The following CTNND2 variants were observed in gnomAD, a reference collection of about 807,000 sequenced individuals.
The protein encoded by CTNND2 is catenin delta 2, also known as catenin delta-2.
CTNND2 carries 22 observed loss-of-function variants against 144.4 expected under a neutral mutation model. The observed-to-expected ratio is 0.15, with a 90% CI of 0.11 to 0.22. The LOEUF (loss-of-function observed/expected upper bound fraction) is 0.22. Ranked by LOEUF, CTNND2 falls within the 10% of genes least tolerant of loss-of-function variation. CTNND2 has a pLI of 1.00. For missense variants in CTNND2, 1,353 were observed against 1,618.8 expected (o/e 0.84, Z 2.82); for synonymous variants, 751 against 695.6 (o/e 1.08, Z -1.25).
At chr5:11,543,509 T>C (rs1774943596) in intron 3 of CTNND2, among the ~76,000 whole-genome samples, 1 of 152,238 alleles carries the variant, frequency 6.6e-6, no homozygotes, top group African/African-American at 2.4e-5. Context: ...CACTCATTGA[T>C]AATACAATGA....
intron 2 of CTNND2, among the ~76,000 whole-genome samples, chr5:11,625,051 C>A (rs1045082491): frequency 6.6e-6 from 1 of 152,004 alleles, no homozygotes; most frequent in Non-Finnish European, 1.5e-5. Context: ...ACAATATGCA[C>A]TGTAAGTAGC....
chr5:11,712,892 G>T (rs928417482), intron 2 of CTNND2, among the ~76,000 whole-genome samples: 2 of 152,166 alleles, frequency 1.3e-5, no homozygotes, highest in Non-Finnish European at 2.9e-5. Context: ...TAGTGAAAAT[G>T]GGGATATGAT....
intron 5 of CTNND2, among the ~76,000 whole-genome samples, chr5:11,407,327 G>A (rs563701401): frequency 7.2e-5 from 11 of 152,164 alleles, no homozygotes; most frequent in African/African-American, 1.2e-4. Context: ...TTACACAGCC[G>A]GTAGTCACAA....
At chr5:11,098,770 A>T in intron 14 of CTNND2, 22 bp from the exon 15 acceptor site, 1 of 1,609,798 alleles carries the variant, frequency 6.2e-7, no homozygotes, top group Non-Finnish European at 8.5e-7. Context: ...AAAACAAGAG[A>T]GCAAACATCT....
intron 2 of CTNND2, among the ~76,000 whole-genome samples, chr5:11,597,659 A>C (rs1293543010): frequency 1.3e-5 from 2 of 151,892 alleles, no homozygotes; most frequent in East Asian, 3.9e-4. Context: ...CTGCAGCCTT[A>C]ACCTCTCAGA....
At chr5:11,142,156 T>C (rs1237360536) in intron 12 of CTNND2, among the ~76,000 whole-genome samples, 1 of 152,170 alleles carries the variant, frequency 6.6e-6, no homozygotes, top group East Asian at 1.9e-4. Flanking sequence ...TGGTATTCTG[T>C]TATAGCAGCA....
At chr5:11,829,721 AG>A (rs1793793520) in intron 1 of CTNND2, among the ~76,000 whole-genome samples, 1 of 152,222 alleles carries the variant, frequency 6.6e-6, no homozygotes, top group Admixed American at 6.5e-5. Context: ...GTGGGGTCAG[AG>A]GCCCCATACA....
chr5:11,757,343 C>A (rs1323529618), intron 1 of CTNND2, among the ~76,000 whole-genome samples: 1 of 151,756 alleles, frequency 6.6e-6, no homozygotes, highest in East Asian at 1.9e-4. Flanking sequence ...ATTGATGTAT[C>A]ATTTTTAGTT....
At chr5:11,070,161 G>T (rs1213900583) in intron 16 of CTNND2, among the ~76,000 whole-genome samples, 1 of 152,050 alleles carries the variant, frequency 6.6e-6, no homozygotes, top group Non-Finnish European at 1.5e-5. Flanking sequence ...ATAGATGTTA[G>T]AATATGTAGA....
intron 9 of CTNND2, among the ~76,000 whole-genome samples, chr5:11,278,624 G>A (rs1746802768): frequency 6.6e-6 from 1 of 152,168 alleles, no homozygotes; most frequent in South Asian, 2.1e-4. Flanking sequence ...ACAGGGGGAG[G>A]GGATGTGGCT....
chr5:11,184,198 G>A (rs1298257046), intron 11 of CTNND2, among the ~76,000 whole-genome samples: 2 of 152,128 alleles, frequency 1.3e-5, no homozygotes, highest in Admixed American at 1.3e-4. Context: ...ATGGGGGATG[G>A]TTCTTTCTAA....
At chr5:11,364,915 T>C (rs2149771945) in intron 7 of CTNND2, 25 bp from the exon 8 acceptor site, 2 of 1,592,148 alleles carry the variant, frequency 1.3e-6, no homozygotes, top group East Asian at 2.3e-5. Flanking sequence ...CAGAGGGACA[T>C]CAAAGCTCAG....
At chr5:11,387,046 A>G (rs1482225722) in intron 6 of CTNND2, among the ~76,000 whole-genome samples, 3 of 152,044 alleles carry the variant, frequency 2.0e-5, no homozygotes, top group African/African-American at 7.2e-5. Flanking sequence ...TATAATCTCC[A>G]AGGGTGCTTT....
At position 11,900,225 on chromosome 5, in the gene CTNND2, G is replaced by T. The variant is rs186971811; in HGVS notation, c.37+3592C>A. ...ATTTGTCAAAAACTAATTGATACAG[G>T]TACTTCAATATCCTGACATAGCTAA... On this transcript the variant is annotated intron_variant, in intron 1 of 21. Transcript: ENST00000304623. 2.4e-4 allele frequency among the ~76,000 whole-genome samples: 36 copies of T among 152,168 alleles called. 1 individual carries two copies. Among genetic ancestry groups the T allele is most frequent in the African/African-American group, 7.9e-4 (33 of 41,514 alleles).
intron 9 of CTNND2, among the ~76,000 whole-genome samples, chr5:11,250,049 C>G (rs1432509618): frequency 6.6e-6 from 1 of 152,154 alleles, no homozygotes; most frequent in Non-Finnish European, 1.5e-5. Flanking sequence ...TTTCTTTGAT[C>G]ATATTTCAGA....
At chr5:11,154,041 A>ATAT (rs1757993005) in intron 12 of CTNND2, among the ~76,000 whole-genome samples, 1 of 152,226 alleles carries the variant, frequency 6.6e-6, no homozygotes, top group Admixed American at 6.5e-5. Flanking sequence ...GATCTTTAGG[A>ATAT]TATGCATCGG....
chr5:11,528,173 A>T (rs1437252857), intron 3 of CTNND2, among the ~76,000 whole-genome samples: 1 of 152,204 alleles, frequency 6.6e-6, no homozygotes, highest in Non-Finnish European at 1.5e-5. Context: ...TATTGTTACT[A>T]CTGCAGTTGT....
chr5:11,670,345 C>T (rs549582973), intron 2 of CTNND2, among the ~76,000 whole-genome samples: 54 of 152,038 alleles, frequency 3.6e-4, no homozygotes, highest in African/African-American at 7.7e-4. Context: ...TACTGACAGT[C>T]GGCTGTTAAA....
chr5:11,182,192 GTA>G (rs1015769874), intron 11 of CTNND2, among the ~76,000 whole-genome samples: 1 of 145,916 alleles, frequency 6.9e-6, no homozygotes, highest in South Asian at 2.2e-4. Context: ...TGTGTGTGGG[GTA>G]TGTGTGTGTG....
Sources: allele counts gnomAD v4.1 joint callset (sites outside exome capture counted in the v4.1 genomes callset), GRCh38; gene constraint gnomAD v4.1.1; transcripts MANE v1.5; gene names NCBI Gene and HGNC (gene_info 2026-07-23, HGNC 2026-07-21).